OXR1: variants seen among roughly 807,000 people sequenced by gnomAD.
OXR1 encodes oxidation resistance protein 1.
A neutral mutation model predicts 104.6 loss-of-function variants in OXR1; 41 were observed. The ratio of observed to expected loss-of-function variants is 0.39; its 90% CI spans 0.31 to 0.51. The LOEUF is 0.51. Ranked by LOEUF, OXR1 falls within the 20% of genes least tolerant of loss-of-function variation. The probability of loss-of-function intolerance (pLI) is 0.77; values close to 1 mark genes in which losing one functional copy is unlikely to be tolerated. For synonymous variants in OXR1, 348 were observed against 348.4 expected (o/e 1.00, Z 0.01); for missense variants, 955 against 1,031.9 (o/e 0.93, Z 1.02).
chr8:106,742,135 C>A, intron 14 of OXR1, 87 bp from the exon 15 acceptor site: 1 of 779,114 alleles, frequency 1.3e-6, no homozygotes, highest in Non-Finnish European at 2.2e-6. Context: ...CTATTTTTTG[C>A]ATTTTATTTA....
rs377328495 is a variant in OXR1, at chr8:106,721,050, G to A, written c.1956+7065G>A. 6.6e-4 allele frequency among the ~76,000 whole-genome samples: 101 copies of A among 152,050 alleles called. 1 individual carries two copies. Among genetic ancestry groups the A allele is most frequent in the African/African-American group, 2.2e-3 (93 of 41,494 alleles). On this transcript the variant is annotated intron_variant, in intron 11 of 16. Coordinates refer to ENST00000517566, the MANE Select transcript of OXR1 (RefSeq NM_001198533.2). Reference sequence around the variant, plus strand: ...TGGACAATATCAGCATCCACCCCAAGTACCAACTTCAAGAGGCTGTATACT... The same window carrying A: ...TGGACAATATCAGCATCCACCCCAAATACCAACTTCAAGAGGCTGTATACT...
chr8:106,471,807 G>T (rs1485275860), intron 2 of OXR1, among the ~76,000 whole-genome samples: 3 of 151,354 alleles, frequency 2.0e-5, no homozygotes, highest in Non-Finnish European at 4.4e-5. Context: ...GCTTTTTTTT[G>T]GTCTTTACCA....
intron 3 of OXR1, among the ~76,000 whole-genome samples, chr8:106,675,804 A>G (rs1827525857): frequency 6.6e-6 from 1 of 152,064 alleles, no homozygotes; most frequent in Non-Finnish European, 1.5e-5. Flanking sequence ...GATTAGGTCC[A>G]TTTGCTCCAG....
At chr8:106,680,719 G>A (rs552658627) in intron 4 of OXR1, among the ~76,000 whole-genome samples, 15 of 152,204 alleles carry the variant, frequency 9.9e-5, no homozygotes, top group African/African-American at 3.4e-4. Context: ...ACTACGTGGA[G>A]TGAGACCCAA....
At chr8:106,620,015 C>G (rs1440890435) in intron 3 of OXR1, among the ~76,000 whole-genome samples, 1 of 152,110 alleles carries the variant, frequency 6.6e-6, no homozygotes, top group Admixed American at 6.6e-5. Context: ...GATCTGCTGT[C>G]TTCAGCAGTG....
At chr8:106,383,693 T>C (rs1038172580) in intron 2 of OXR1, among the ~76,000 whole-genome samples, 2 of 152,318 alleles carry the variant, frequency 1.3e-5, no homozygotes, top group South Asian at 2.1e-4. Flanking sequence ...GTGAAAGAGA[T>C]AGATATAAGA....
At chr8:106,633,788 C>T (rs950005198) in intron 3 of OXR1, among the ~76,000 whole-genome samples, 2 of 152,188 alleles carry the variant, frequency 1.3e-5, no homozygotes, top group Non-Finnish European at 2.9e-5. Flanking sequence ...TCAGAATGTA[C>T]ATTGCTGTTT....
At chr8:106,740,288 T>C (rs1834811297) in intron 13 of OXR1, 55 bp from the exon 14 acceptor site, 10 of 1,404,588 alleles carry the variant, frequency 7.1e-6, no homozygotes, top group Non-Finnish European at 9.9e-6. Flanking sequence ...GCATTAGTAT[T>C]CTACATAATG....
chr8:106,397,848 A>T (rs1459035766), intron 2 of OXR1, among the ~76,000 whole-genome samples: 2 of 152,140 alleles, frequency 1.3e-5, no homozygotes, highest in African/African-American at 4.8e-5. Flanking sequence ...GGCTTAAACA[A>T]CAAAAATGTA....
intron 3 of OXR1, among the ~76,000 whole-genome samples, chr8:106,636,328 T>A (rs1397448852): frequency 2.0e-5 from 3 of 147,816 alleles, no homozygotes; most frequent in Non-Finnish European, 4.5e-5. Context: ...TTTTTTTTTT[T>A]ATTTCTGGAC....
intron 2 of OXR1, among the ~76,000 whole-genome samples, chr8:106,493,338 C>T (rs1424837362): frequency 6.6e-6 from 1 of 152,058 alleles, no homozygotes; most frequent in Admixed American, 6.6e-5. Flanking sequence ...CCTTGTTTTC[C>T]TTTGAGTGTC....
chr8:106,548,265 C>A (rs1260980764), intron 3 of OXR1, among the ~76,000 whole-genome samples: 2 of 152,256 alleles, frequency 1.3e-5, no homozygotes, highest in East Asian at 3.9e-4. Flanking sequence ...TTAAGCAAAC[C>A]TAGACTCAGA....
At chr8:106,655,370 T>C (rs1403236425) in intron 3 of OXR1, among the ~76,000 whole-genome samples, 1 of 152,046 alleles carries the variant, frequency 6.6e-6, no homozygotes, top group Non-Finnish European at 1.5e-5. Context: ...TAAGCAAGCT[T>C]TTTTTAAGGC....
intron 3 of OXR1, among the ~76,000 whole-genome samples, chr8:106,612,308 A>T (rs1404398022): frequency 1.3e-5 from 2 of 152,184 alleles, no homozygotes; most frequent in Admixed American, 1.3e-4. Context: ...CATATAGGTT[A>T]AGTCCAGTGA....
chr8:106,726,072 T>A, intron 11 of OXR1: 1 of 956,458 alleles, frequency 1.0e-6, no homozygotes, highest in Non-Finnish European at 1.5e-6. Context: ...TTGCTATGGA[T>A]ACTACTTAGT....
intron 2 of OXR1, among the ~76,000 whole-genome samples, chr8:106,468,773 C>T (rs1437364370): frequency 2.6e-5 from 4 of 151,702 alleles, no homozygotes; most frequent in African/African-American, 9.7e-5. Flanking sequence ...CACAGAGAGT[C>T]TAATAATGTT....
intron 11 of OXR1, among the ~76,000 whole-genome samples, chr8:106,736,183 C>G (rs889052476): frequency 6.6e-5 from 10 of 151,644 alleles, no homozygotes; most frequent in Non-Finnish European, 1.2e-4. Context: ...CCATCCGCCC[C>G]CAGAGCTAGA....
At chr8:106,290,795 C>T (rs746397019) in intron 1 of OXR1, among the ~76,000 whole-genome samples, 5 of 151,996 alleles carry the variant, frequency 3.3e-5, no homozygotes, top group East Asian at 1.9e-4. Context: ...AAACAAGAGA[C>T]GATGCTGGTG....
chr8:106,365,453 A>G (rs2130357720), intron 2 of OXR1, among the ~76,000 whole-genome samples: 1 of 152,128 alleles, frequency 6.6e-6, no homozygotes, highest in Non-Finnish European at 1.5e-5. Context: ...AGAATAGAAT[A>G]GCCAAAACAA....
Sources: allele counts gnomAD v4.1 joint callset (sites outside exome capture counted in the v4.1 genomes callset), GRCh38; gene constraint gnomAD v4.1.1; transcripts MANE v1.5; gene names NCBI Gene and HGNC (gene_info 2026-07-23, HGNC 2026-07-21).